Variants in PTBP3 observed in about 807,000 individuals in gnomAD.
The protein encoded by PTBP3 is polypyrimidine tract-binding protein 3.
A neutral mutation model predicts 58.7 loss-of-function variants in PTBP3; 20 were observed. That is an observed-to-expected ratio of 0.34 (90% CI 0.24 to 0.50). The LOEUF (loss-of-function observed/expected upper bound fraction) is 0.50, where lower values mean the gene tolerates loss of function less well. Among genes scored for constraint, PTBP3 ranks in the 20% least tolerant of loss-of-function variants. The pLI is 0.98. For missense variants in PTBP3, 509 were observed against 637.2 expected, an observed-to-expected ratio of 0.80 and a Z score of 2.17; for synonymous variants, 185 against 219.8, an observed-to-expected ratio of 0.84 and a Z score of 1.40.
intron 9 of PTBP3, 123 bp downstream of exon 9, chr9:112,231,973 AGAG>A (rs1160158931): frequency 0.01 from 3,943 of 384,440 alleles, 58 homozygotes; most frequent in African/African-American, 0.066. Context: ...AGAAGAGAGA[AGAG>A]AAGAGAAGAG....
the PTBP3 span, among the ~76,000 whole-genome samples, chr9:112,368,252 C>G: frequency 3.9e-5 from 6 of 152,310 alleles, no homozygotes; most frequent in African/African-American, 1.4e-4. Flanking sequence ...CTCACTGCAA[C>G]CTTTGTCTCC....
chr9:112,298,402 G>GATCCTTAATA (rs1373883078), intron 1 of PTBP3, among the ~76,000 whole-genome samples: 2 of 152,054 alleles, frequency 1.3e-5, no homozygotes, highest in African/African-American at 2.4e-5. Flanking sequence ...GATCTTTAAT[G>GATCCTTAATA]CAGACTATTT....
At chr9:112,299,693 T>A (rs1828832003) in intron 1 of PTBP3, among the ~76,000 whole-genome samples, 1 of 152,150 alleles carries the variant, frequency 6.6e-6, no homozygotes, top group African/African-American at 2.4e-5. Flanking sequence ...TTGCAATGCC[T>A]CCAGTGGGAA....
At position 112,223,039 on chromosome 9, in the gene PTBP3, C is replaced by A. The variant is rs1834857326; in HGVS notation, c.*812G>T. On this transcript the variant is annotated 3_prime_UTR_variant, in exon 14 of 14. Coordinates refer to ENST00000374257, the MANE Select transcript of PTBP3 (RefSeq NM_001163788.4). ...TAGGATTATTTTTCTTTAAAATTTT[C>A]CAAGATCATATTACTTGACAAATAA... The A allele has an allele frequency of 1.2e-6, 1 of 854,242 alleles. No individual in the cohort carries two copies. Among genetic ancestry groups the A allele is most frequent in the East Asian group, 1.2e-4 (1 of 8,192 alleles). 52.9% of individuals were successfully genotyped at this position (854,242 alleles called of 1,614,324 possible).
intron 2 of PTBP3, among the ~76,000 whole-genome samples, chr9:112,296,484 T>C (rs914064392): frequency 1.3e-5 from 2 of 152,172 alleles, no homozygotes; most frequent in African/African-American, 2.4e-5. Context: ...TATGTTCCCA[T>C]GGTCCCAAAC....
chr9:112,305,484 T>C (rs1012937395), intron 1 of PTBP3, among the ~76,000 whole-genome samples: 3 of 151,982 alleles, frequency 2.0e-5, no homozygotes, highest in Non-Finnish European at 4.4e-5. Context: ...CTCCAGTGAG[T>C]TTCCCTGGTT....
chr9:112,365,687 T>C, the PTBP3 span, among the ~76,000 whole-genome samples: 21 of 152,020 alleles, frequency 1.4e-4, no homozygotes, highest in African/African-American at 5.1e-4. Context: ...GAACCGGTAA[T>C]AGACAGAGGT....
intron 2 of PTBP3, among the ~76,000 whole-genome samples, chr9:112,287,870 T>A: frequency 6.6e-6 from 1 of 152,198 alleles, no homozygotes; most frequent in East Asian, 1.9e-4. Context: ...CAGCTGATAA[T>A]TCCATCATCT....
At position 112,220,197 on chromosome 9, in the gene PTBP3, G is replaced by A. The variant is rs1319408584; in HGVS notation, c.*3654C>T. Reference sequence around the variant, plus strand: ...TCAATTTTTTGTCCAAAAATATCTCGTGGGAACAGAAGAGAAACTGCATGA... The same window carrying A: ...TCAATTTTTTGTCCAAAAATATCTCATGGGAACAGAAGAGAAACTGCATGA... On this transcript the variant is annotated 3_prime_UTR_variant, in exon 14 of 14. Coordinates refer to ENST00000374257, the MANE Select transcript of PTBP3 (RefSeq NM_001163788.4). The A allele has an allele frequency of 1.3e-5, 17 of 1,345,034 alleles. No homozygotes were observed. The highest frequency in any genetic ancestry group is 4.6e-5 in the East Asian group (1 of 21,738). 83.3% of individuals were successfully genotyped at this position (1,345,034 alleles called of 1,614,324 possible).
At chr9:112,376,161 A>ATATATATATG in the PTBP3 span, among the ~76,000 whole-genome samples, 1 of 136,380 alleles carries the variant, frequency 7.3e-6, no homozygotes, top group Non-Finnish European at 1.5e-5. Flanking sequence ...TAGAGGATAT[A>ATATATATATG]TATATATATA....
intron 5 of PTBP3, among the ~76,000 whole-genome samples, chr9:112,257,460 C>T (rs150474181): frequency 6.6e-6 from 1 of 152,204 alleles, no homozygotes; most frequent in East Asian, 1.9e-4. Flanking sequence ...ATATATTTTG[C>T]TGTCAAAAAT....
At chr9:112,280,435 A>C (rs1000672509) in intron 2 of PTBP3, among the ~76,000 whole-genome samples, 19 of 152,180 alleles carry the variant, frequency 1.2e-4, no homozygotes, top group African/African-American at 4.1e-4. Flanking sequence ...GAATAGAATC[A>C]ATAAGACTAG....
intron 10 of PTBP3, among the ~76,000 whole-genome samples, chr9:112,229,621 T>TA (rs1176618182): frequency 1.3e-5 from 2 of 152,180 alleles, no homozygotes; most frequent in Non-Finnish European, 2.9e-5. Context: ...AATGGCACTT[T>TA]AAAAATTTAA....
At chr9:112,297,754 T>A in intron 2 of PTBP3, 78 bp downstream of exon 2, 1 of 1,206,148 alleles carries the variant, frequency 8.3e-7, no homozygotes, top group East Asian at 2.4e-5. Context: ...CAACATGATA[T>A]AAGCAAAATA....
intron 5 of PTBP3, among the ~76,000 whole-genome samples, chr9:112,261,522 A>G (rs1387440744): frequency 6.6e-6 from 1 of 152,208 alleles, no homozygotes; most frequent in Admixed American, 6.5e-5. Flanking sequence ...CTCTGCACAT[A>G]CTACAAATCC....
intron 7 of PTBP3, among the ~76,000 whole-genome samples, chr9:112,246,281 C>T (rs907451075): frequency 6.6e-6 from 1 of 151,714 alleles, no homozygotes; most frequent in Non-Finnish European, 1.5e-5. Flanking sequence ...CCGCACCCAG[C>T]CAAGAAAAAC....
At chr9:112,283,993 T>TCC (rs1464088742) in intron 2 of PTBP3, among the ~76,000 whole-genome samples, 1 of 152,218 alleles carries the variant, frequency 6.6e-6, no homozygotes. Flanking sequence ...TTGGGGAACC[T>TCC]CCACCTACAT....
At chr9:112,326,293 G>A (rs998489602) in intron 1 of PTBP3, among the ~76,000 whole-genome samples, 2 of 152,206 alleles carry the variant, frequency 1.3e-5, no homozygotes, top group African/African-American at 2.4e-5. Context: ...AAGCACAGCA[G>A]CAGGCAAACG....
At chr9:112,294,268 T>C (rs978035032) in intron 2 of PTBP3, among the ~76,000 whole-genome samples, 1 of 152,118 alleles carries the variant, frequency 6.6e-6, no homozygotes, top group Admixed American at 6.5e-5. Context: ...ATCCCAGCAC[T>C]TTAGGAGGCC....
Sources: gnomAD v4.1 joint callset for allele counts (sites outside exome capture counted in the v4.1 genomes callset) on GRCh38, gnomAD v4.1.1 for gene constraint, MANE v1.5 for transcripts, NCBI Gene and HGNC (gene_info 2026-07-23, HGNC 2026-07-21) for gene names.